The following MCCC2 variants were observed in gnomAD, a reference collection of about 807,000 sequenced individuals.
The protein encoded by MCCC2 is methylcrotonoyl-CoA carboxylase beta chain, mitochondrial.
In MCCC2, 52 loss-of-function variants were observed where a neutral mutation model predicts 77.2. The observed-to-expected ratio is 0.67, with a 90% CI of 0.54 to 0.85. The LOEUF (loss-of-function observed/expected upper bound fraction) is 0.85. Among genes scored for constraint, MCCC2 ranks in the 40% least tolerant of loss-of-function variants. The pLI, the probability that MCCC2 is intolerant of heterozygous loss-of-function variation, is 0.00. For synonymous variants in MCCC2, 253 were observed against 248.4 expected, an observed-to-expected ratio of 1.02 and a Z score of -0.18; for missense variants, 682 against 703.2, an observed-to-expected ratio of 0.97 and a Z score of 0.34.
chr5:71,630,923 C>T (rs1281384362), intron 7 of MCCC2, among the ~76,000 whole-genome samples: 1 of 152,170 alleles, frequency 6.6e-6, no homozygotes, highest in Non-Finnish European at 1.5e-5. Context: ...AAATAGGAAT[C>T]AATAAATAAT....
Position 71,641,020 on chromosome 5 carries a change from G to A in MCCC2, c.1017G>A (p.Val339=), listed in dbSNP as rs1580325457. ...FDVREVIARI[V]DGSRFTEFKA... ...CCTCTTAGGTCATTGCTAGAATCGT[G>A]GATGGAAGCAGATTCACTGAGTTCA... Residue 339 remains valine (V), a synonymous_variant, in exon 11 of 17, where the codon GTG becomes GTA. Transcript: ENST00000340941. 5.0e-6 allele frequency: 8 copies of A among 1,614,046 alleles called. No homozygotes were observed. In the East Asian group the frequency reaches 1.3e-4, roughly 27 times the overall value.
At chr5:71,626,994 T>A (rs1315616405) in intron 7 of MCCC2, among the ~76,000 whole-genome samples, 1 of 152,184 alleles carries the variant, frequency 6.6e-6, no homozygotes, top group Non-Finnish European at 1.5e-5. Flanking sequence ...ATTCTCCCTA[T>A]TTCCGTCACC....
intron 1 of MCCC2, 97 bp downstream of exon 1, chr5:71,587,651 G>A: frequency 6.9e-7 from 1 of 1,452,712 alleles, no homozygotes; most frequent in Non-Finnish European, 9.3e-7. Flanking sequence ...CTTGTCCGGA[G>A]CCCCAGTTGA....
intron 8 of MCCC2, 120 bp from the exon 9 acceptor site, chr5:71,634,823 T>A: frequency 2.3e-6 from 2 of 854,926 alleles, no homozygotes; most frequent in Non-Finnish European, 3.8e-6. Context: ...GACAAATTTT[T>A]TAAGTGTTTT....
chr5:71,620,121 C>T (rs1257090149), intron 6 of MCCC2, among the ~76,000 whole-genome samples: 1 of 152,154 alleles, frequency 6.6e-6, no homozygotes, highest in East Asian at 1.9e-4. Context: ...CTGGATAAGA[C>T]TGACTTTTTG....
chr5:71,657,347 T>G lies in MCCC2; in HGVS notation c.*487T>G, dbSNP rs1747610850. ...ACCACCATTCATCTCCAGAATTTGT[T>G]CTCAGTCCCAAACTGAAACTATACC... On this transcript the variant is annotated 3_prime_UTR_variant, in exon 17 of 17. Coordinates refer to ENST00000340941, the MANE Select transcript of MCCC2 (RefSeq NM_022132.5). The G allele has an allele frequency of 5.9e-6, 1 of 169,196 alleles. No individual in the cohort carries two copies. Among genetic ancestry groups the G allele is most frequent in the South Asian group, 1.5e-4 (1 of 6,858 alleles). The allele number at this position is 169,196 out of a possible 1,614,324, so 10.5% of individuals were successfully genotyped here. A position where few individuals can be genotyped will look rare whatever the true frequency, so the allele number is the denominator to read the frequency against.
At chr5:71,647,443 C>G (rs999984699) in intron 13 of MCCC2, among the ~76,000 whole-genome samples, 8 of 152,194 alleles carry the variant, frequency 5.3e-5, no homozygotes, top group Admixed American at 2.0e-4. Flanking sequence ...ATTCTGAAGC[C>G]TAACTATACC....
chr5:71,637,226 T>C (rs1490320563), intron 10 of MCCC2, among the ~76,000 whole-genome samples: 2 of 152,148 alleles, frequency 1.3e-5, no homozygotes, highest in South Asian at 2.1e-4. Flanking sequence ...ATGAACCTCA[T>C]AGAGTCAACA....
intron 1 of MCCC2, among the ~76,000 whole-genome samples, chr5:71,588,142 G>T (rs755748619): frequency 9.2e-5 from 14 of 151,936 alleles, no homozygotes; most frequent in Non-Finnish European, 2.1e-4. Flanking sequence ...GGTGGCGCGC[G>T]CCTGTAATCC....
At chr5:71,614,052 A>G (rs1006613237) in intron 6 of MCCC2, among the ~76,000 whole-genome samples, 1 of 151,916 alleles carries the variant, frequency 6.6e-6, no homozygotes, top group African/African-American at 2.4e-5. Flanking sequence ...ACACACACAT[A>G]TATCAGTATT....
rs1306338509 is a variant in MCCC2, at chr5:71,633,131, A to ATTTTT, written c.803+947_803+951dup. On this transcript the variant is annotated intron_variant, in intron 8 of 16. Transcript: ENST00000340941. ...TATATATATATATATATATATATAT[A>ATTTTT]TTTTTATTTTTTGTAGAAACAGGTG... Among the ~76,000 whole-genome samples, 6 of 78,080 alleles carry ATTTTT rather than the reference A, an allele frequency of 7.7e-5. No homozygotes were observed. The South Asian group carries it at 1.7e-3, about 21-fold the overall frequency. 51.2% of individuals were successfully genotyped at this position (78,080 alleles called of 152,430 possible). A position where few individuals can be genotyped will look rare whatever the true frequency, so the allele number is the denominator to read the frequency against.
chr5:71,610,541 G>A lies in MCCC2; in HGVS notation c.624+6073G>A, dbSNP rs113419747. ...ATCACCCGTCTTCTGCGTCGCTCAC[G>A]CTGAGAGCTGTAGACCGGAGCTGTT... is the stretch of plus-strand genomic sequence containing the variant. On this transcript the variant is annotated intron_variant, in intron 6 of 16. Transcript: ENST00000340941. Among the ~76,000 whole-genome samples the A allele has an allele frequency of 2.1e-3, 315 of 152,282 alleles. 1 individual carries two copies. Among genetic ancestry groups the A allele is most frequent in the African/African-American group, 6.4e-3 (268 of 41,564 alleles).
chr5:71,652,541 C>T (rs1378665740), intron 15 of MCCC2, 128 bp from the exon 16 acceptor site: 2 of 761,106 alleles, frequency 2.6e-6, no homozygotes, highest in Admixed American at 4.1e-5. Flanking sequence ...GTAATTTATA[C>T]ATCACTATGC....
intron 16 of MCCC2, among the ~76,000 whole-genome samples, chr5:71,656,537 C>G (rs1455637527): frequency 6.6e-6 from 1 of 152,098 alleles, no homozygotes; most frequent in Non-Finnish European, 1.5e-5. Context: ...CTGTGGTGGC[C>G]TGGGATGAAG....
chr5:71,602,621 T>C lies in MCCC2; in HGVS notation c.499T>C (p.Cys167Arg), dbSNP rs119103222. Residue 167 changes from cysteine (C) to arginine (R), a missense_variant, in exon 5 of 17, where the codon TGC (cysteine) becomes CGC (arginine). Cys to Arg is a radical substitution (Grantham distance 180, BLOSUM62 -3). Transcript: ENST00000340941. ...AATTGCCATGCAAAACAGGCTCCCC[T>C]GCATCTACTTAGGCAAGTCACCAGA... ...QEIAMQNRLP[C>R]IYLVDSGGAY... The C allele has an allele frequency of 1.9e-6, 3 of 1,614,068 alleles. No homozygotes were observed. In the Admixed American group the frequency reaches 5.0e-5, roughly 27 times the overall value.
intron 15 of MCCC2, 31 bp downstream of exon 15, chr5:71,650,214 GT>G (rs1747398929): frequency 6.3e-7 from 1 of 1,597,012 alleles, no homozygotes; most frequent in African/African-American, 1.3e-5. Flanking sequence ...TTTCTCTCTG[GT>G]TTTGCCTCTC....
At position 71,648,998 on chromosome 5, in the gene MCCC2, G is replaced by A. The variant is rs893128842; in HGVS notation, c.1217-99G>A. The A allele has an allele frequency of 3.7e-6, 5 of 1,351,716 alleles. No individual in the cohort carries two copies. The African/African-American group carries it at 7.2e-5, about 19-fold the overall frequency. 83.7% of individuals were successfully genotyped at this position (1,351,716 alleles called of 1,614,324 possible). ...ATTTTCTTAAGGCGAGAGGCATTTA[G>A]TAAGATGAGTTTAGTAAAACAAGAT... On this transcript the variant is annotated intron_variant, in intron 13 of 16. Transcript: ENST00000340941.
intron 4 of MCCC2, among the ~76,000 whole-genome samples, chr5:71,600,301 T>C (rs7721025): frequency 0.92 from 139,802 of 152,324 alleles, 64,344 homozygotes; most frequent in East Asian, 0.99. Context: ...TATAAAGTAG[T>C]ACTTAATTAT....
Position 71,643,867 on chromosome 5 carries a change from G to C in MCCC2, c.1121G>C (p.Gly374Ala). The C allele has an allele frequency of 6.2e-7, 1 of 1,614,108 alleles. No homozygotes were observed. Among genetic ancestry groups the C allele is most frequent in the South Asian group, 1.1e-5 (1 of 91,076 alleles). Residue 374 changes from glycine to alanine, a missense_variant, in exon 12 of 17, where the codon GGA (glycine) becomes GCA (alanine). Coordinates refer to ENST00000340941, the MANE Select transcript of MCCC2 (RefSeq NM_022132.5). ...GYPVGIVGNN[G>A]VLFSESAKKG... ...CCAGTAGGTATCGTTGGAAACAACG[G>C]AGTTCTCTTTTCTGAATCTGCAAAA...
Sources: gnomAD v4.1 joint callset for allele counts (sites outside exome capture counted in the v4.1 genomes callset) on GRCh38, gnomAD v4.1.1 for gene constraint, MANE v1.5 for transcripts, NCBI Gene and HGNC (gene_info 2026-07-23, HGNC 2026-07-21) for gene names.